The following ARHGAP27 variants were observed in gnomAD, a reference collection of about 807,000 sequenced individuals.
ARHGAP27 encodes the protein Rho GTPase activating protein 27, also known as rho GTPase-activating protein 27.
A neutral mutation model predicts 102.0 loss-of-function variants in ARHGAP27; 53 were observed. That is an observed-to-expected ratio of 0.52 (90% CI 0.42 to 0.65). The LOEUF is 0.65. Among genes scored for constraint, ARHGAP27 ranks in the 30% least tolerant of loss-of-function variants. ARHGAP27 has a pLI of 0.00. For synonymous variants in ARHGAP27, 525 were observed against 542.8 expected (o/e 0.97, Z 0.46); for missense variants, 1,117 against 1,256.2 (o/e 0.89, Z 1.68).
Position 45,395,505 on chromosome 17 carries a change from A to T in ARHGAP27, c.2621T>A (p.Val874Glu). 6.3e-7 allele frequency: 1 copy of T among 1,593,444 alleles called. No individual in the cohort carries two copies. Among genetic ancestry groups the T allele is most frequent in the South Asian group, 1.1e-5 (1 of 87,810 alleles). ...GCACTGCTGCAGGATGAGCTCCACC[A>T]CCTGGTTCTGGAACACCATGGTCAT... is the stretch of plus-strand genomic sequence containing the variant. ...MPMTMVFQNQ[V>E]VELILQQCAD... Residue 874 changes from valine to glutamate, a missense_variant, in exon 20 of 20, where the codon GTG becomes GAG. Around this residue, in one of 3 missense-constraint regions of ARHGAP27, gnomAD observed 493 missense variants for 505.5 expected, o/e 0.98. Coordinates refer to ENST00000685559, the MANE Select transcript of ARHGAP27 (RefSeq NM_001282290.2).
rs762214702 is a variant in ARHGAP27 at position 45,396,219 on chromosome 17, T to C, written c.2239A>G (p.Lys747Glu). ...GGACGGGCCTCACCGTGGTCCACCT[T>C]ATAGCGTAGCTTCTGGATGGTGGCC... ...NLATIQKLRY[K>E]VDHDERLDLD... Residue 747 changes from lysine (K) to glutamate (E), a missense_variant, in exon 17 of 20, where the codon AAG becomes GAG. Lys to Glu is a moderately conservative substitution (Grantham distance 56). This residue lies in a region of ARHGAP27 where 493 missense variants were observed against 505.5 expected (regional missense o/e 0.98). Transcript: ENST00000685559. The C allele has an allele frequency of 2.5e-6, 4 of 1,612,914 alleles. No individual in the cohort carries two copies. In the East Asian group the frequency reaches 8.9e-5, roughly 36 times the overall value.
intron 13 of ARHGAP27, chr17:45,397,746 C>T (rs539067187): frequency 2.3e-6 from 1 of 435,698 alleles, no homozygotes; most frequent in Non-Finnish European, 4.0e-6. Context: ...GAGAGTCTTC[C>T]TGCAGGGCCA....
At chr17:45,404,155 G>C in intron 9 of ARHGAP27, 59 bp from the exon 10 acceptor site, 1 of 1,609,056 alleles carries the variant, frequency 6.2e-7, no homozygotes, top group Non-Finnish European at 8.5e-7. Flanking sequence ...GAGCTATGGG[G>C]AGTAGAGGCT....
At position 45,395,446 on chromosome 17, in the gene ARHGAP27, A is replaced by G; in HGVS notation, c.*10T>C. 6.4e-7 allele frequency: 1 copy of G among 1,551,974 alleles called. No individual in the cohort carries two copies. Among genetic ancestry groups the G allele is most frequent in the Non-Finnish European group, 8.7e-7 (1 of 1,146,780 alleles). On this transcript the variant is annotated 3_prime_UTR_variant, in exon 20 of 20. Transcript: ENST00000685559. ...GGACCGCGGCCGCCGCCCCAGTCAC[A>G]GGCCAGCAGTCAGTGCGGCGGGAAG... is the stretch of plus-strand genomic sequence containing the variant.
intron 12 of ARHGAP27, among the ~76,000 whole-genome samples, chr17:45,398,562 C>T (rs560160964): frequency 6.6e-6 from 1 of 151,922 alleles, no homozygotes; most frequent in Non-Finnish European, 1.5e-5. Context: ...GGTGAAACCC[C>T]GTCTCTACTA....
At position 45,396,060 on chromosome 17, in the gene ARHGAP27, G is replaced by C; in HGVS notation, c.2309C>G (p.Ala770Gly). The C allele has an allele frequency of 6.2e-7, 1 of 1,614,042 alleles. No individual in the cohort carries two copies. Among genetic ancestry groups the C allele is most frequent in the Non-Finnish European group, 8.5e-7 (1 of 1,179,954 alleles). ...RWEDVHVITG[A>G]LKLFFRELPE... ...CAGCTCCCGAAAGAAGAGCTTCAGG[G>C]CTCCGGTGATAACGTGGACGTCCTC... Residue 770 changes from alanine (A) to glycine (G), a missense_variant, in exon 18 of 20, where the codon GCC (alanine) becomes GGC (glycine). Physicochemically the swap from Ala to Gly is moderately conservative, Grantham distance 60. Around this residue, in one of 3 missense-constraint regions of ARHGAP27, gnomAD observed 493 missense variants for 505.5 expected, o/e 0.98. Transcript: ENST00000685559.
chr17:45,403,995 C>A, intron 10 of ARHGAP27, 34 bp downstream of exon 10: 1 of 1,611,852 alleles, frequency 6.2e-7, no homozygotes, highest in Non-Finnish European at 8.5e-7. Flanking sequence ...CCAAGGCCCA[C>A]CCTGCCCCGG....
chr17:45,399,591 C>CAAAGAAAAGAAAAGAAAAGAAAAAAGA (rs1555552666), intron 12 of ARHGAP27, among the ~76,000 whole-genome samples: 8 of 141,128 alleles, frequency 5.7e-5, no homozygotes, highest in South Asian at 2.3e-4. Flanking sequence ...CACTCTGTCT[C>CAAAGAAAAGAAAAGAAAAGAAAAAAGA]AAAGAAAAGA....
At chr17:45,405,248 G>A (rs898089831) in intron 5 of ARHGAP27, 142 bp from the exon 6 acceptor site, 9 of 913,534 alleles carry the variant, frequency 9.9e-6, no homozygotes, top group Non-Finnish European at 1.4e-5. Flanking sequence ...GCGCTCAGAG[G>A]TAGCTCCGCA....
At chr17:45,408,073 G>A (rs909808358) in intron 4 of ARHGAP27, 1 of 151,632 alleles carries the variant, frequency 6.6e-6, no homozygotes, top group African/African-American at 2.4e-5. Context: ...CCTCGAAAGA[G>A]GAAGCACCTG....
intron 4 of ARHGAP27, among the ~76,000 whole-genome samples, chr17:45,406,554 G>A (rs1218081193): frequency 6.6e-6 from 1 of 152,240 alleles, no homozygotes; most frequent in Admixed American, 6.5e-5. Context: ...CGATAACCCA[G>A]TTCTCACAAC....
At chr17:45,396,367 G>A (rs2144137825) in intron 16 of ARHGAP27, 83 bp from the exon 17 acceptor site, 5 of 1,481,124 alleles carry the variant, frequency 3.4e-6, no homozygotes, top group South Asian at 2.6e-5. Context: ...CTCCCACTCG[G>A]GGCCTCCCGT....
intron 9 of ARHGAP27, 74 bp downstream of exon 9, chr17:45,404,195 G>T (rs1175271503): frequency 1.2e-6 from 2 of 1,609,736 alleles, no homozygotes; most frequent in Non-Finnish European, 1.7e-6. Context: ...ACTCTCTATG[G>T]TCTGGGCCCG....
chr17:45,429,842 C>A lies in ARHGAP27; in HGVS notation c.438G>T (p.Arg146=). 2 of 1,392,576 alleles carry A rather than the reference C, an allele frequency of 1.4e-6. No individual in the cohort carries two copies. Among genetic ancestry groups the A allele is most frequent in the South Asian group, 2.9e-5 (2 of 68,662 alleles). 86.3% of individuals were successfully genotyped at this position (1,392,576 alleles called of 1,614,324 possible). A position where few individuals can be genotyped will look rare whatever the true frequency, so the allele number is the denominator to read the frequency against. Residue 146 remains arginine (R), a synonymous_variant, in exon 4 of 20, where the codon CGG becomes CGT. Coordinates refer to ENST00000685559, the MANE Select transcript of ARHGAP27 (RefSeq NM_001282290.2). ...GCGCGGGCCGCACGGGCGCCGCGGG[C>A]CGCAGGTACAGGCAGGCTGGCAGGC... The part of the protein sequence containing the change: ...APGLPACLYL[R]PAAPVRPAQS...
intron 4 of ARHGAP27, chr17:45,407,979 G>A (rs1382674215): frequency 1.3e-5 from 2 of 151,930 alleles, no homozygotes; most frequent in Non-Finnish European, 2.9e-5. Flanking sequence ...CTTTCCTGCA[G>A]CCTCAAAATT....
chr17:45,425,942 G>C (rs2049555470), intron 4 of ARHGAP27, among the ~76,000 whole-genome samples: 1 of 152,200 alleles, frequency 6.6e-6, no homozygotes, highest in African/African-American at 2.4e-5. Context: ...CCTCTCAGAA[G>C]GGTTTGCTTC....
At chr17:45,428,141 C>T (rs1278544390) in intron 4 of ARHGAP27, among the ~76,000 whole-genome samples, 1 of 152,258 alleles carries the variant, frequency 6.6e-6, no homozygotes, top group Non-Finnish European at 1.5e-5. Flanking sequence ...TCCAGGGGCT[C>T]TGCTCAGATG....
chr17:45,411,186 G>A (rs1274594078), intron 4 of ARHGAP27, among the ~76,000 whole-genome samples: 7 of 151,974 alleles, frequency 4.6e-5, no homozygotes, highest in African/African-American at 7.3e-5. Flanking sequence ...TCACCCCCTC[G>A]TGTGGGGATG....
rs1167645810 is a variant in ARHGAP27 at position 45,411,645 on chromosome 17, C to T, written c.658-5562G>A. ...ATACCAGTGTCCCATCCCCTGTACC[C>T]GACTCAGAAGCCCAGACCCCAGGGG... On this transcript the variant is annotated intron_variant, in intron 4 of 19. Transcript: ENST00000685559. Among the ~76,000 whole-genome samples, 5 of 152,246 alleles carry T rather than the reference C, an allele frequency of 3.3e-5. 1 individual carries two copies. Among genetic ancestry groups the T allele is most frequent in the Middle Eastern group, 6.8e-3 (2 of 294 alleles).
Sources: allele counts gnomAD v4.1 joint callset (sites outside exome capture counted in the v4.1 genomes callset), GRCh38; gene constraint gnomAD v4.1.1; regional missense constraint gnomAD v4.1.1; transcripts MANE v1.5; gene names NCBI Gene and HGNC (gene_info 2026-07-23, HGNC 2026-07-21).